The following GNAZ variants were observed in gnomAD, a reference collection of about 807,000 sequenced individuals.
The protein encoded by GNAZ is G protein subunit alpha z.
In GNAZ, 3 loss-of-function variants were observed where a neutral mutation model predicts 25.4. That is an observed-to-expected ratio of 0.12 (90% confidence interval 0.05 to 0.30). GNAZ has a LOEUF of 0.30. Ranked by LOEUF, GNAZ falls within the 10% of genes least tolerant of loss-of-function variation. The pLI is 1.00. For synonymous variants in GNAZ, 211 were observed against 205.7 expected, an observed-to-expected ratio of 1.03 and a Z score of -0.22; for missense variants, 241 against 501.8, an observed-to-expected ratio of 0.48 and a Z score of 4.97.
At chr22:23,082,961 C>T (rs1054037016) in intron 1 of GNAZ, among the ~76,000 whole-genome samples, 4 of 151,992 alleles carry the variant, frequency 2.6e-5, no homozygotes, top group African/African-American at 4.8e-5. Context: ...TGGTCAAGAT[C>T]ATATTAAGGT....
intron 2 of GNAZ, among the ~76,000 whole-genome samples, chr22:23,102,827 G>A (rs1166439267): frequency 6.6e-6 from 1 of 152,178 alleles, no homozygotes; most frequent in Non-Finnish European, 1.5e-5. Context: ...CCATGATGAC[G>A]TTGTCAGGTG....
chr22:23,074,984 A>G (rs772030454), intron 1 of GNAZ, among the ~76,000 whole-genome samples: 7 of 152,208 alleles, frequency 4.6e-5, no homozygotes, highest in Non-Finnish European at 1.0e-4. Flanking sequence ...CCTGAGCAAC[A>G]TGTAAGAGCC....
At chr22:23,084,017 G>C (rs1466211535) in intron 1 of GNAZ, among the ~76,000 whole-genome samples, 4 of 152,126 alleles carry the variant, frequency 2.6e-5, no homozygotes, top group Non-Finnish European at 5.9e-5. Flanking sequence ...CAGGAACCTT[G>C]CTTCTTGTGG....
intron 2 of GNAZ, among the ~76,000 whole-genome samples, chr22:23,101,052 A>C (rs540573908): frequency 2.6e-5 from 4 of 152,226 alleles, no homozygotes; most frequent in African/African-American, 7.2e-5. Context: ...GCTTATACCT[A>C]TTGATGACAG....
chr22:23,099,026 G>A (rs1201131573), intron 2 of GNAZ, among the ~76,000 whole-genome samples: 2 of 152,272 alleles, frequency 1.3e-5, no homozygotes, highest in African/African-American at 2.4e-5. Context: ...TTGGGGCCCA[G>A]TGCCAGGGCT....
At chr22:23,116,892 G>C (rs555628742) in intron 2 of GNAZ, among the ~76,000 whole-genome samples, 26 of 152,308 alleles carry the variant, frequency 1.7e-4, no homozygotes, top group South Asian at 4.1e-4. Flanking sequence ...GCACCTGGGA[G>C]GGGGACAGGC....
At chr22:23,077,655 C>G (rs1002162993) in intron 1 of GNAZ, among the ~76,000 whole-genome samples, 1 of 152,126 alleles carries the variant, frequency 6.6e-6, no homozygotes, top group African/African-American at 2.4e-5. Context: ...TGTAAAGTAC[C>G]AGGCTCTGTG....
At chr22:23,072,231 CTG>C (rs938212990) in intron 1 of GNAZ, among the ~76,000 whole-genome samples, 65 of 152,302 alleles carry the variant, frequency 4.3e-4, no homozygotes, top group African/African-American at 1.5e-3. Flanking sequence ...GCTAGTGACT[CTG>C]TGCCTCTGGG....
intron 1 of GNAZ, among the ~76,000 whole-genome samples, chr22:23,089,669 G>A (rs13433646): frequency 0.075 from 11,407 of 152,194 alleles, 1,496 homozygotes; most frequent in African/African-American, 0.26. Flanking sequence ...GGCAGGCCGG[G>A]CCTGCTGGAC....
At chr22:23,086,885 A>C (rs2068834287) in intron 1 of GNAZ, among the ~76,000 whole-genome samples, 1 of 152,198 alleles carries the variant, frequency 6.6e-6, no homozygotes, top group Non-Finnish European at 1.5e-5. Context: ...GCTGCCACCG[A>C]GGAGGCCCCT....
At chr22:23,099,847 G>A (rs996194548) in intron 2 of GNAZ, among the ~76,000 whole-genome samples, 8 of 152,262 alleles carry the variant, frequency 5.3e-5, no homozygotes, top group African/African-American at 1.9e-4. Flanking sequence ...AGCAGAGCCT[G>A]GGTCTTCACT....
intron 1 of GNAZ, among the ~76,000 whole-genome samples, chr22:23,085,914 T>TC (rs1052617292): frequency 6.6e-6 from 1 of 152,214 alleles, no homozygotes; most frequent in African/African-American, 2.4e-5. Context: ...AAGGAGAAAA[T>TC]CCCAGTTTGG....
rs565883010 is a variant in GNAZ at position 23,074,005 on chromosome 22, G to C, written c.-450+3435G>C. 2.0e-5 allele frequency among the ~76,000 whole-genome samples: 3 copies of C among 152,276 alleles called. No homozygotes were observed. In the South Asian group the frequency reaches 6.2e-4, roughly 32 times the overall value. On this transcript the variant is annotated intron_variant, in intron 1 of 2. Coordinates refer to ENST00000615612, the MANE Select transcript of GNAZ (RefSeq NM_002073.4). Reference sequence around the variant, plus strand: ...TGGCTGAGCAGGGGAGAGACAGCAGGTGCAAAGGCGCTGAGCAGACACTCC... The same window carrying C: ...TGGCTGAGCAGGGGAGAGACAGCAGCTGCAAAGGCGCTGAGCAGACACTCC...
At chr22:23,080,856 T>C (rs781531404) in intron 1 of GNAZ, among the ~76,000 whole-genome samples, 1 of 152,250 alleles carries the variant, frequency 6.6e-6, no homozygotes, top group Non-Finnish European at 1.5e-5. Flanking sequence ...TCATCAGCAC[T>C]CACTGGATTA....
intron 1 of GNAZ, among the ~76,000 whole-genome samples, chr22:23,081,821 CAAAAAAAA>C (rs55713577): frequency 6.4e-5 from 3 of 46,746 alleles, no homozygotes; most frequent in African/African-American, 1.8e-4. Context: ...GATTCCATCT[CAAAAAAAA>C]AAAAAAAAAA....
chr22:23,123,934 T>C lies in GNAZ; in HGVS notation c.*503T>C, dbSNP rs41296231. On this transcript the variant is annotated 3_prime_UTR_variant, in exon 3 of 3. Coordinates refer to ENST00000615612, the MANE Select transcript of GNAZ (RefSeq NM_002073.4). The stretch of plus-strand genomic sequence containing the variant: ...AGGACCAGTGCAGGGTCTGTGCACC[T>C]TCCCTGCTGGCCTGCACACAGCTGC... 1.7e-3 allele frequency: 357 copies of C among 210,910 alleles called. 1 individual carries two copies. The highest frequency in any genetic ancestry group is 2.6e-3 in the Non-Finnish European group (264 of 102,984). The allele number at this position is 210,910 out of a possible 1,614,324, so 13.1% of individuals were successfully genotyped here. A position where few individuals can be genotyped will look rare whatever the true frequency, so the allele number is the denominator to read the frequency against.
chr22:23,080,982 G>C (rs772887926), intron 1 of GNAZ, among the ~76,000 whole-genome samples: 1 of 152,212 alleles, frequency 6.6e-6, no homozygotes, highest in Non-Finnish European at 1.5e-5. Flanking sequence ...GTATCCCTTT[G>C]AGTCCGTTGT....
intron 1 of GNAZ, among the ~76,000 whole-genome samples, chr22:23,073,155 C>T (rs748791959): frequency 3.9e-5 from 6 of 152,238 alleles, no homozygotes; most frequent in Non-Finnish European, 7.3e-5. Context: ...AAGGCACTCT[C>T]ACTGCTGCTG....
intron 2 of GNAZ, among the ~76,000 whole-genome samples, chr22:23,113,441 G>A (rs745385029): frequency 1.5e-4 from 23 of 152,224 alleles, no homozygotes; most frequent in Non-Finnish European, 2.6e-4. Flanking sequence ...TTGGCCTGAG[G>A]GTAGATGTAG....
Sources: gnomAD v4.1 joint callset for allele counts (sites outside exome capture counted in the v4.1 genomes callset) on GRCh38, gnomAD v4.1.1 for gene constraint, MANE v1.5 for transcripts, NCBI Gene and HGNC (gene_info 2026-07-23, HGNC 2026-07-21) for gene names.